Variants in AAMDC observed in about 807,000 individuals in gnomAD.
AAMDC encodes adipogenesis associated Mth938 domain containing, also known as mth938 domain-containing protein.
In AAMDC, 16 loss-of-function variants were observed where a neutral mutation model predicts 15.5. The ratio of observed to expected loss-of-function variants is 1.03; its 90% confidence interval spans 0.70 to 1.57. AAMDC has a LOEUF of 1.57. AAMDC is among the 40% of genes most tolerant of loss of function. The pLI, the probability that AAMDC is intolerant of heterozygous loss-of-function variation, is 0.00. For synonymous variants in AAMDC, 51 were observed against 51.6 expected (o/e 0.99, Z 0.05); for missense variants, 141 against 144.9 (o/e 0.97, Z 0.14).
chr11:77,828,670 GAAA>G, intron 1 of AAMDC, among the ~76,000 whole-genome samples: 1 of 83,918 alleles, frequency 1.2e-5, no homozygotes. Flanking sequence ...ACTCCATCTC[GAAA>G]AAAAAAAAAA....
chr11:77,855,510 T>C (rs1008182893), intron 2 of AAMDC: 4 of 179,748 alleles, frequency 2.2e-5, no homozygotes, highest in Non-Finnish European at 3.5e-5. Flanking sequence ...TTTGTATTTT[T>C]AGTAGAGACG....
chr11:77,822,585 A>G (rs1166148420), intron 1 of AAMDC, among the ~76,000 whole-genome samples: 1 of 152,166 alleles, frequency 6.6e-6, no homozygotes, highest in African/African-American at 2.4e-5. Flanking sequence ...CCAGGTTTTA[A>G]AAAGGGGAAA....
intron 3 of AAMDC, among the ~76,000 whole-genome samples, chr11:77,870,329 ATTTTTT>A (rs965312288): frequency 1.1e-5 from 1 of 87,982 alleles, no homozygotes; most frequent in African/African-American, 4.9e-5. Context: ...CTATTTTTTA[ATTTTTT>A]TTTTTTTTTT....
intron 5 of AAMDC, chr11:77,891,623 G>C (rs1952270652): frequency 4.4e-6 from 7 of 1,582,956 alleles, no homozygotes; most frequent in Non-Finnish European, 6.0e-6. Context: ...GATCACCAAG[G>C]TAAAGATTTT....
At chr11:77,874,019 T>G (rs1951529155), downstream of AAMDC, among the ~76,000 whole-genome samples, 1 of 152,212 alleles carries the variant, frequency 6.6e-6, no homozygotes, top group South Asian at 2.1e-4. Context: ...GACAGCAACT[T>G]AAGATGTGGC....
chr11:77,854,137 C>T (rs1355025980), intron 2 of AAMDC, among the ~76,000 whole-genome samples: 1 of 151,776 alleles, frequency 6.6e-6, no homozygotes, highest in Non-Finnish European at 1.5e-5. Flanking sequence ...ACTACAGGCG[C>T]CCGCCACCAC....
chr11:77,822,998 G>A (rs2136017336), intron 1 of AAMDC, among the ~76,000 whole-genome samples: 1 of 152,120 alleles, frequency 6.6e-6, no homozygotes, highest in Non-Finnish European at 1.5e-5. Context: ...GGCGGGTCAC[G>A]AGGTCAGGAG....
chr11:77,837,779 G>A (rs1949752013), intron 1 of AAMDC, among the ~76,000 whole-genome samples: 1 of 152,074 alleles, frequency 6.6e-6, no homozygotes, highest in Admixed American at 6.5e-5. Context: ...AATTGAGCCT[G>A]GGCACAGTGG....
chr11:77,878,133 T>C (rs909491999), intron 5 of AAMDC, among the ~76,000 whole-genome samples: 37 of 152,156 alleles, frequency 2.4e-4, no homozygotes, highest in East Asian at 5.8e-4. Context: ...GAGGCCAAGG[T>C]GGGCAGATCA....
intron 1 of AAMDC, among the ~76,000 whole-genome samples, chr11:77,823,308 T>C (rs1949017004): frequency 6.6e-6 from 1 of 151,666 alleles, no homozygotes; most frequent in Non-Finnish European, 1.5e-5. Flanking sequence ...TTTAATTTAA[T>C]AAGTCGGAAA....
intron 2 of AAMDC, among the ~76,000 whole-genome samples, chr11:77,862,889 A>G (rs981417973): frequency 6.6e-6 from 1 of 152,090 alleles, no homozygotes; most frequent in Non-Finnish European, 1.5e-5. Flanking sequence ...CTGAGAGTCA[A>G]ATTGGTCCCA....
At chr11:77,857,694 A>C (rs945158830) in intron 2 of AAMDC, among the ~76,000 whole-genome samples, 1 of 151,276 alleles carries the variant, frequency 6.6e-6, no homozygotes, top group African/African-American at 2.4e-5. Flanking sequence ...CCCATCAACT[A>C]AGTTGTTTTT....
chr11:77,884,892 T>C (rs953603514), intron 5 of AAMDC: 17 of 255,740 alleles, frequency 6.6e-5, no homozygotes, highest in African/African-American at 1.1e-4. Context: ...GGAGTGGGGA[T>C]TACAGGCACG....
chr11:77,849,026 A>G (rs609151), intron 2 of AAMDC, among the ~76,000 whole-genome samples: 60,828 of 150,422 alleles, frequency 0.4, 12,873 homozygotes, highest in African/African-American at 0.52. Flanking sequence ...CTCCTGGCCT[A>G]AAGTGGTGCT....
chr11:77,873,456 A>T (rs1487440891), downstream of AAMDC, among the ~76,000 whole-genome samples: 2 of 152,204 alleles, frequency 1.3e-5, no homozygotes, highest in Non-Finnish European at 2.9e-5. Context: ...AGAGCCATAG[A>T]ATGTTGGAGC....
In AAMDC at chr11:77,881,330, G is replaced by A. The variant is rs146193602; in HGVS notation, c.328+4281G>A. 6.6e-4 allele frequency among the ~76,000 whole-genome samples: 101 copies of A among 152,318 alleles called. No individual in the cohort carries two copies. In the East Asian group the frequency reaches 0.016, roughly 24 times the overall value. ...TGGCAGCATCCTGCCTCCCAGAGGA[G>A]AGGCCCCTCCCTGGTGGGGAGCTAC... On this transcript the variant is annotated intron_variant, in intron 5 of 5. Transcript: ENST00000304716.
At chr11:77,879,239 T>C (rs1951697977) in intron 5 of AAMDC, 1 of 1,116,908 alleles carries the variant, frequency 9.0e-7, no homozygotes, top group Non-Finnish European at 1.3e-6. Flanking sequence ...AATTTCTTCA[T>C]CCGTCTACAT....
downstream of AAMDC, among the ~76,000 whole-genome samples, chr11:77,872,691 TA>T (rs1328039856): frequency 7.2e-5 from 11 of 152,182 alleles, no homozygotes; most frequent in Non-Finnish European, 1.6e-4. Flanking sequence ...CTCACGCCTG[TA>T]ATCCCAACAC....
At chr11:77,847,536 AAAG>A (rs1218808692) in intron 2 of AAMDC, among the ~76,000 whole-genome samples, 1 of 152,190 alleles carries the variant, frequency 6.6e-6, no homozygotes, top group African/African-American at 2.4e-5. Context: ...AGATTGGTAA[AAAG>A]AATAGGAGGG....
Sources: allele counts gnomAD v4.1 joint callset (sites outside exome capture counted in the v4.1 genomes callset), GRCh38; gene constraint gnomAD v4.1.1; transcripts MANE v1.5; gene names NCBI Gene and HGNC (gene_info 2026-07-23, HGNC 2026-07-21).